Variants in ASIC2 observed in about 807,000 individuals in gnomAD.
ASIC2 encodes acid-sensing ion channel 2.
In ASIC2, 25 loss-of-function variants were observed where a neutral mutation model predicts 57.3. The ratio of observed to expected loss-of-function variants is 0.44; its 90% CI spans 0.32 to 0.61. The LOEUF is 0.61. ASIC2 is among the 20% of genes least tolerant of loss of function. The pLI is 0.06. For missense variants in ASIC2, 641 were observed against 738.1 expected (o/e 0.87, Z 1.52); for synonymous variants, 319 against 307.5 (o/e 1.04, Z -0.39).
At chr17:33,389,150 G>T (rs1909800316) in intron 1 of ASIC2, among the ~76,000 whole-genome samples, 1 of 152,072 alleles carries the variant, frequency 6.6e-6, no homozygotes, top group African/African-American at 2.4e-5. Flanking sequence ...TGTAGAGACA[G>T]GGTCTTGCTG....
chr17:33,847,496 AT>A (rs1194854155), intron 1 of ASIC2, among the ~76,000 whole-genome samples: 53 of 152,184 alleles, frequency 3.5e-4, no homozygotes, highest in African/African-American at 1.2e-3. Context: ...CTTCCTGCTC[AT>A]GGCTAGGCAC....
rs1905531534 is a variant in ASIC2, at chr17:33,292,442, T to A, written c.-327A>T. 1.0e-6 allele frequency: 1 copy of A among 985,444 alleles called. No homozygotes were observed. Among genetic ancestry groups the A allele is most frequent in the Non-Finnish European group, 1.2e-6 (1 of 830,146 alleles). The allele number at this position is 985,444 out of a possible 1,614,324, so 61.0% of individuals were successfully genotyped here. ...GGCACTACTTCTGGAGGGGTCCCAC[T>A]GGGAGCCGCCTCTCCAGTCCCTGGG... On this transcript the variant is annotated 5_prime_UTR_variant, in exon 1 of 10. Transcript: ENST00000225823.
chr17:33,535,312 G>A (rs1046502357), intron 1 of ASIC2, among the ~76,000 whole-genome samples: 1 of 148,528 alleles, frequency 6.7e-6, no homozygotes, highest in African/African-American at 2.5e-5. Flanking sequence ...TCACTCAGTC[G>A]CCCAGGCCGG....
In ASIC2 at chr17:33,718,371, A is replaced by T. The variant is rs187099912; in HGVS notation, c.555+437607T>A. ...GATTTACAGAAAGGGTGTTTTACAT[A>T]TGCACCTGTCTAGGCCAATAGGTGG... On this transcript the variant is annotated intron_variant, in intron 1 of 9. Transcript: ENST00000359872. Among the ~76,000 whole-genome samples the T allele has an allele frequency of 2.8e-3, 420 of 152,180 alleles. 3 individuals are homozygous for T. Among genetic ancestry groups the T allele is most frequent in the Middle Eastern group, 0.01 (3 of 294 alleles).
chr17:33,410,265 T>C (rs1314633385), intron 1 of ASIC2, among the ~76,000 whole-genome samples: 1 of 152,132 alleles, frequency 6.6e-6, no homozygotes, highest in Non-Finnish European at 1.5e-5. Flanking sequence ...CCCCGGAACA[T>C]GCTGCTCTGA....
chr17:34,040,164 G>A (rs1236036472), intron 1 of ASIC2, among the ~76,000 whole-genome samples: 1 of 111,850 alleles, frequency 8.9e-6, no homozygotes, highest in Non-Finnish European at 1.7e-5. Flanking sequence ...TCCTGGCGCC[G>A]GACAAAGGCC....
chr17:33,232,984 G>A (rs569093167), intron 1 of ASIC2, among the ~76,000 whole-genome samples: 1 of 152,160 alleles, frequency 6.6e-6, no homozygotes, highest in African/African-American at 2.4e-5. Context: ...GAGGGAGTGA[G>A]GCCTGTCTTT....
chr17:33,879,539 CA>C (rs1362518577), intron 1 of ASIC2, among the ~76,000 whole-genome samples: 5 of 152,184 alleles, frequency 3.3e-5, no homozygotes, highest in African/African-American at 4.8e-5. Flanking sequence ...GGGATCAATG[CA>C]ACAAGAAGAG....
intron 1 of ASIC2, among the ~76,000 whole-genome samples, chr17:34,067,689 G>A (rs1034325879): frequency 4.6e-5 from 7 of 152,140 alleles, no homozygotes; most frequent in Non-Finnish European, 8.8e-5. Context: ...ATAAATTGGG[G>A]TATACCCACA....
At chr17:33,054,290 G>A (rs2091989283) in intron 3 of ASIC2, among the ~76,000 whole-genome samples, 1 of 152,104 alleles carries the variant, frequency 6.6e-6, no homozygotes, top group African/African-American at 2.4e-5. Context: ...CCCAGGGCTG[G>A]CCCAAATCTG....
chr17:33,808,732 TAC>T (rs761633112), intron 1 of ASIC2, among the ~76,000 whole-genome samples: 23 of 152,300 alleles, frequency 1.5e-4, no homozygotes, highest in Non-Finnish European at 2.8e-4. Flanking sequence ...TGATACCCTC[TAC>T]TAAGGCATCT....
intron 1 of ASIC2, among the ~76,000 whole-genome samples, chr17:34,128,946 A>T (rs570401176): frequency 7.2e-5 from 11 of 152,122 alleles, no homozygotes; most frequent in Admixed American, 1.3e-4. Flanking sequence ...GTTATTTTTC[A>T]TATCAACAAG....
chr17:33,119,370 T>C (rs930698650), intron 1 of ASIC2, among the ~76,000 whole-genome samples: 1 of 152,264 alleles, frequency 6.6e-6, no homozygotes, highest in African/African-American at 2.4e-5. Flanking sequence ...CAAAATAATA[T>C]GCTTGTTAAA....
intron 1 of ASIC2, chr17:33,980,689 T>TG (rs1905582145): frequency 6.6e-6 from 1 of 152,224 alleles, no homozygotes; most frequent in Admixed American, 6.5e-5. Context: ...CCATGGGGTT[T>TG]GCCCTAACCC....
chr17:33,678,357 CT>C (rs943954927), intron 1 of ASIC2, among the ~76,000 whole-genome samples: 1 of 151,178 alleles, frequency 6.6e-6, no homozygotes, highest in Non-Finnish European at 1.5e-5. Context: ...TGAATTATGC[CT>C]TTATATCTGT....
chr17:33,643,221 C>T (rs867888706), intron 1 of ASIC2, among the ~76,000 whole-genome samples: 9 of 151,010 alleles, frequency 6.0e-5, no homozygotes, highest in Admixed American at 4.0e-4. Context: ...CATTAATTGG[C>T]AGCATTTTTT....
chr17:33,840,099 T>A (rs1005720210), intron 1 of ASIC2, among the ~76,000 whole-genome samples: 10 of 152,362 alleles, frequency 6.6e-5, no homozygotes, highest in African/African-American at 2.4e-4. Context: ...ATGATTTATT[T>A]GGTGTGGTTT....
At chr17:33,095,915 G>A (rs1208316956) in intron 2 of ASIC2, among the ~76,000 whole-genome samples, 2 of 152,348 alleles carry the variant, frequency 1.3e-5, no homozygotes, top group Non-Finnish European at 2.9e-5. Flanking sequence ...GGCCTGGAGT[G>A]TCCCTGTGTC....
In ASIC2 at chr17:33,831,106, C is replaced by CA. The variant is rs56841196; in HGVS notation, c.555+324871dup. ...CCTGGGTGACAGAGTAAGGCTCTGT[C>CA]AAAAAAAAAAAAAAAAAAAAAAAAA... On this transcript the variant is annotated intron_variant, in intron 1 of 9. Transcript: ENST00000359872. Among the ~76,000 whole-genome samples the CA allele has an allele frequency of 2.5e-3, 58 of 22,964 alleles. 20 individuals carry two copies. In the South Asian group the frequency reaches 0.028, roughly 11 times the overall value. The allele number at this position is 22,964 out of a possible 152,430, so 15.1% of individuals were successfully genotyped here.
Sources: gnomAD v4.1 joint callset for allele counts (sites outside exome capture counted in the v4.1 genomes callset) on GRCh38, gnomAD v4.1.1 for gene constraint, MANE v1.5 for transcripts, NCBI Gene and HGNC (gene_info 2026-07-23, HGNC 2026-07-21) for gene names.